Variants in PTGDR observed in about 807,000 individuals in gnomAD.
PTGDR encodes the protein prostaglandin D2 receptor.
Under a neutral mutation model 17.4 loss-of-function variants are expected in PTGDR, and 19 were observed. The observed-to-expected ratio is 1.09, with a 90% CI of 0.76 to 1.60. The LOEUF is 1.60. PTGDR is among the 40% of genes most tolerant of loss of function. The pLI is 0.00. For synonymous variants in PTGDR, 267 were observed against 224.2 expected, an observed-to-expected ratio of 1.19 and a Z score of -1.71; for missense variants, 526 against 481.9, an observed-to-expected ratio of 1.09 and a Z score of -0.86.
rs150364057 is a variant in PTGDR at position 52,276,699 on chromosome 14, G to T, written c.*1735G>T. The T allele has an allele frequency of 6.6e-6, 1 of 152,130 alleles. No individual in the cohort carries two copies. Among genetic ancestry groups the T allele is most frequent in the African/African-American group, 2.4e-5 (1 of 41,488 alleles). 9.4% of individuals were successfully genotyped at this position (152,130 alleles called of 1,614,324 possible). On this transcript the variant is annotated 3_prime_UTR_variant, in exon 2 of 2. Transcript: ENST00000306051. ...CAGTTAATTTGAAAAGGCCCCAGAT[G>T]AATCAATAAATATAATTTTATAGTA...
rs910968939 is a variant in PTGDR at position 52,275,737 on chromosome 14, T to C, written c.*773T>C. On this transcript the variant is annotated 3_prime_UTR_variant, in exon 2 of 2. Coordinates refer to ENST00000306051, the MANE Select transcript of PTGDR (RefSeq NM_000953.3). ...AAGTTGGGGGTGGGTTGCAAAATGTTCTTTCAGTTTTTAGAACCTCCATTT... is the reference window on the plus strand; with the variant it reads ...AAGTTGGGGGTGGGTTGCAAAATGTCCTTTCAGTTTTTAGAACCTCCATTT... 2.0e-5 allele frequency: 3 copies of C among 152,654 alleles called. No individual in the cohort carries two copies. The highest frequency in any genetic ancestry group is 7.2e-5 in the African/African-American group (3 of 41,462). The allele number at this position is 152,654 out of a possible 1,614,324, so 9.5% of individuals were successfully genotyped here. A position where few individuals can be genotyped will look rare whatever the true frequency, so the allele number is the denominator to read the frequency against.
chr14:52,279,680 A>G (rs2033466692), downstream of PTGDR, among the ~76,000 whole-genome samples: 1 of 152,164 alleles, frequency 6.6e-6, no homozygotes, highest in African/African-American at 2.4e-5. Flanking sequence ...TGAACATTCT[A>G]GTCTTCCAGA....
In PTGDR at chr14:52,267,980, C is replaced by T. The variant is rs1283380171; in HGVS notation, c.166C>T (p.Pro56Ser). ...GTGGTGCTCGCGGCGTCCACTGCGC[C>T]CGCTGCCCTCGGTCTTCTACATGCT... ...LGWCSRRPLR[P>S]LPSVFYMLVC... Residue 56 changes from proline to serine, a missense_variant, in exon 1 of 2, where the codon CCG becomes TCG. Pro to Ser is a moderately conservative substitution (Grantham distance 74, BLOSUM62 -1). Coordinates refer to ENST00000306051, the MANE Select transcript of PTGDR (RefSeq NM_000953.3). The T allele has an allele frequency of 6.2e-7, 1 of 1,609,488 alleles. No homozygotes were observed. Among genetic ancestry groups the T allele is most frequent in the Middle Eastern group, 1.7e-4 (1 of 6,056 alleles).
intron 1 of PTGDR, 51 bp from the exon 2 acceptor site, chr14:52,274,680 T>G (rs1478112859): frequency 6.9e-7 from 1 of 1,443,134 alleles, no homozygotes; most frequent in Admixed American, 1.8e-5. Context: ...GTGAATCCAT[T>G]GCTGCCATTA....
chr14:52,280,378 C>G (rs1479639247), downstream of PTGDR, among the ~76,000 whole-genome samples: 2 of 152,128 alleles, frequency 1.3e-5, no homozygotes, highest in South Asian at 2.1e-4. Flanking sequence ...TAAAATAAAT[C>G]TTGGGACCCC....
downstream of PTGDR, among the ~76,000 whole-genome samples, chr14:52,280,417 A>G (rs2033474358): frequency 6.6e-6 from 1 of 152,216 alleles, no homozygotes; most frequent in African/African-American, 2.4e-5. Context: ...AGAAACGTCA[A>G]GCTGGGAACT....
In PTGDR at chr14:52,276,138, G is replaced by C. The variant is rs199688844; in HGVS notation, c.*1174G>C. ...GGGTCAGCAATATGATGACTGAAAG[G>C]GAAAAGTGGAGGAAACGCAGCTGCA... On this transcript the variant is annotated 3_prime_UTR_variant, in exon 2 of 2. Transcript: ENST00000306051. 2.6e-5 allele frequency: 4 copies of C among 152,212 alleles called. No homozygotes were observed. Among genetic ancestry groups the C allele is most frequent in the Non-Finnish European group, 5.9e-5 (4 of 68,050 alleles). 9.4% of individuals were successfully genotyped at this position (152,212 alleles called of 1,614,324 possible).
At chr14:52,269,321 GT>G (rs1455645771) in intron 1 of PTGDR, 2 of 734,380 alleles carry the variant, frequency 2.7e-6, no homozygotes, top group East Asian at 5.6e-5. Flanking sequence ...TGCTGGTGTC[GT>G]TTTGACAACC....
At chr14:52,269,780 A>G (rs1339677779) in intron 1 of PTGDR, among the ~76,000 whole-genome samples, 1 of 152,168 alleles carries the variant, frequency 6.6e-6, no homozygotes, top group East Asian at 1.9e-4. Context: ...TGGGAACAGT[A>G]TGCCCCCAAA....
intron 1 of PTGDR, 124 bp downstream of exon 1, chr14:52,268,784 G>T: frequency 1.8e-6 from 2 of 1,087,368 alleles, no homozygotes; most frequent in East Asian, 4.8e-5. Context: ...GGCCAGGAAG[G>T]TTTGCTGCTG....
rs534619539 is a variant in PTGDR at position 52,268,426 on chromosome 14, C to T, written c.612C>T (p.Ser204=). ...TGCTGGGGTACTCTGTGCTCTACTC[C>T]AGCCTCATGGCGCTGCTGGTCCTCG... The part of the protein sequence containing the change: ...LSVLGYSVLY[S]SLMALLVLAT... The change falls in exon 1 of 2, where the codon TCC becomes TCT. Residue 204 remains serine, a synonymous_variant. Transcript: ENST00000306051. The T allele has an allele frequency of 6.2e-7, 1 of 1,610,496 alleles. No homozygotes were observed. The highest frequency in any genetic ancestry group is 1.1e-5 in the South Asian group (1 of 91,090).
downstream of PTGDR, among the ~76,000 whole-genome samples, chr14:52,280,269 AAATACT>A (rs2033472996): frequency 6.6e-6 from 1 of 152,180 alleles, no homozygotes; most frequent in Non-Finnish European, 1.5e-5. Context: ...TGAATTTAGA[AAATACT>A]TTTTATTCCC....
intron 1 of PTGDR, among the ~76,000 whole-genome samples, chr14:52,272,481 A>T (rs1448000774): frequency 1.3e-5 from 2 of 151,532 alleles, no homozygotes; most frequent in Admixed American, 1.3e-4. Flanking sequence ...AAAAAAAAAA[A>T]ATACATGGGC....
chr14:52,267,772 G>A lies in PTGDR; in HGVS notation c.-43G>A, dbSNP rs747250964. On this transcript the variant is annotated 5_prime_UTR_variant, in exon 1 of 2. Coordinates refer to ENST00000306051, the MANE Select transcript of PTGDR (RefSeq NM_000953.3). The stretch of plus-strand genomic sequence containing the variant: ...TTAGCACCCGGGCGCCGGGGCCCTC[G>A]CCCTTCCGCAGCCTTCACTCCAGCC... 4 of 1,497,442 alleles carry A rather than the reference G, an allele frequency of 2.7e-6. No homozygotes were observed. Among genetic ancestry groups the A allele is most frequent in the East Asian group, 4.7e-5 (2 of 42,944 alleles). 92.8% of individuals were successfully genotyped at this position (1,497,442 alleles called of 1,614,324 possible). A position where few individuals can be genotyped will look rare whatever the true frequency, so the allele number is the denominator to read the frequency against.
intron 1 of PTGDR, 91 bp downstream of exon 1, chr14:52,268,751 G>C (rs1311843012): frequency 1.2e-5 from 17 of 1,369,362 alleles, no homozygotes; most frequent in Non-Finnish European, 1.7e-5. Context: ...GGATGGACGC[G>C]GCGCCAGGCG....
At chr14:52,271,031 C>T (rs772312752) in intron 1 of PTGDR, among the ~76,000 whole-genome samples, 2 of 149,306 alleles carry the variant, frequency 1.3e-5, no homozygotes, top group African/African-American at 4.9e-5. Flanking sequence ...GCTTTAGCAT[C>T]AGACATGGTT....
At position 52,276,357 on chromosome 14, in the gene PTGDR, A is replaced by G. The variant is rs567545447; in HGVS notation, c.*1393A>G. The G allele has an allele frequency of 6.6e-6, 1 of 152,238 alleles. No individual in the cohort carries two copies. The highest frequency in any genetic ancestry group is 1.5e-5 in the Non-Finnish European group (1 of 68,008). 9.4% of individuals were successfully genotyped at this position (152,238 alleles called of 1,614,324 possible). On this transcript the variant is annotated 3_prime_UTR_variant, in exon 2 of 2. Coordinates refer to ENST00000306051, the MANE Select transcript of PTGDR (RefSeq NM_000953.3). ...CCAGCCAGAAGTCCCTTCCAAATATAAGAGTACTCATGTTTATTTATTTCC... is the reference window on the plus strand; with the variant it reads ...CCAGCCAGAAGTCCCTTCCAAATATGAGAGTACTCATGTTTATTTATTTCC...
downstream of PTGDR, among the ~76,000 whole-genome samples, chr14:52,278,672 C>T: frequency 6.6e-6 from 1 of 151,946 alleles, no homozygotes; most frequent in Non-Finnish European, 1.5e-5. Context: ...ATACTGGCAG[C>T]CATTACTGAT....
chr14:52,274,823 T>C lies in PTGDR; in HGVS notation c.939T>C (p.Ser313=). The change falls in exon 2 of 2, where the codon TCT becomes TCC. Residue 313 remains serine, a synonymous_variant. Coordinates refer to ENST00000306051, the MANE Select transcript of PTGDR (RefSeq NM_000953.3). The stretch of plus-strand genomic sequence containing the variant: ...ACCTCCGAGCCTTGCGATTTCTATC[T>C]GTGATTTCAATTGTGGACCCTTGGA... The part of the protein sequence containing the change: ...AEDLRALRFL[S]VISIVDPWIF... 1.2e-6 allele frequency: 2 copies of C among 1,612,852 alleles called. No homozygotes were observed. The highest frequency in any genetic ancestry group is 1.7e-6 in the Non-Finnish European group (2 of 1,178,748).
Sources: allele counts gnomAD v4.1 joint callset (sites outside exome capture counted in the v4.1 genomes callset), GRCh38; gene constraint gnomAD v4.1.1; transcripts MANE v1.5; gene names NCBI Gene and HGNC (gene_info 2026-07-23, HGNC 2026-07-21).